Variants in SLC3A2 observed in about 807,000 individuals in gnomAD.
The protein encoded by SLC3A2 is solute carrier family 3 member 2.
SLC3A2 carries 32 observed loss-of-function variants against 48.5 expected under a neutral mutation model. The observed-to-expected ratio is 0.66, with a 90% CI of 0.50 to 0.89. The LOEUF (loss-of-function observed/expected upper bound fraction) is 0.89, where lower values mean the gene tolerates loss of function less well. SLC3A2 is among the 40% of genes least tolerant of loss of function. The pLI is 0.00. For missense variants in SLC3A2, 587 were observed against 680.7 expected (o/e 0.86, Z 1.53); for synonymous variants, 277 against 288.8 (o/e 0.96, Z 0.41).
upstream of SLC3A2, chr11:62,876,689 C>G (rs1301448962): frequency 6.2e-6 from 1 of 160,662 alleles, no homozygotes; most frequent in Non-Finnish European, 1.4e-5. Context: ...GCAATCCCTG[C>G]CTCATGGGTT....
At position 62,888,690 on chromosome 11, in the gene SLC3A2, C is replaced by T. The variant is rs1276679848; in HGVS notation, c.1587C>T (p.Ala529=). 6.3e-7 allele frequency: 1 copy of T among 1,588,476 alleles called. No homozygotes were observed. The highest frequency in any genetic ancestry group is 8.5e-7 in the Non-Finnish European group (1 of 1,171,734). Residue 529 remains alanine, a synonymous_variant, in exon 9 of 9, where the codon GCC becomes GCT. Transcript: ENST00000338663. The part of the protein sequence containing the change: ...EGLLLRFPYA[A] ...TGCTGCTCCGCTTCCCCTACGCGGC[C>T]TGACTTCAGCCTGACATGGACCCAC...
chr11:62,888,558 C>T lies in SLC3A2; in HGVS notation c.1455C>T (p.Ser485=), dbSNP rs760487618. Residue 485 remains serine, a synonymous_variant, in exon 9 of 9, where the codon AGC becomes AGT. Transcript: ENST00000338663. ...AGLQASDLPA[S]ASLPAKADLL... is the part of the protein sequence containing the mutation. ...TGCAGGCCTCCGACCTGCCTGCCAGCGCCAGCCTGCCAGCCAAGGCTGACC... is the reference window on the plus strand; with the variant it reads ...TGCAGGCCTCCGACCTGCCTGCCAGTGCCAGCCTGCCAGCCAAGGCTGACC... 10 of 1,613,920 alleles carry T rather than the reference C, an allele frequency of 6.2e-6. No homozygotes were observed. The highest frequency in any genetic ancestry group is 1.3e-5 in the African/African-American group (1 of 74,922).
chr11:62,868,539 G>T (rs1459976207), intron 1 of SLC3A2, among the ~76,000 whole-genome samples: 1 of 151,554 alleles, frequency 6.6e-6, no homozygotes, highest in African/African-American at 2.4e-5. Flanking sequence ...CTAATTTTTT[G>T]TATTTTTAGT....
At chr11:62,856,305 C>T (rs148497008) in exon 1 of SLC3A2, 2 of 1,613,480 alleles carry the variant, frequency 1.2e-6, no homozygotes, top group Admixed American at 1.7e-5. Flanking sequence ...CGATCGCCGT[C>T]GTGTCGATTC....
At chr11:62,868,923 C>T (rs1034562390) in intron 1 of SLC3A2, among the ~76,000 whole-genome samples, 14 of 150,966 alleles carry the variant, frequency 9.3e-5, no homozygotes, top group South Asian at 2.1e-4. Context: ...GTTTTTGAGA[C>T]GGTCTCATTC....
intron 1 of SLC3A2, among the ~76,000 whole-genome samples, chr11:62,857,413 C>G (rs1247451274): frequency 6.6e-6 from 1 of 152,166 alleles, no homozygotes; most frequent in African/African-American, 2.4e-5. Flanking sequence ...GGTGGGCCAC[C>G]ACACCCGGCC....
At chr11:62,856,499 T>C in intron 1 of SLC3A2, 1 of 827,494 alleles carries the variant, frequency 1.2e-6, no homozygotes, top group Non-Finnish European at 1.9e-6. Flanking sequence ...CCTAACTGGT[T>C]CCCTATGTCC....
At chr11:62,868,467 G>C (rs1010077097) in intron 1 of SLC3A2, among the ~76,000 whole-genome samples, 4 of 149,124 alleles carry the variant, frequency 2.7e-5, no homozygotes, top group African/African-American at 7.4e-5. Flanking sequence ...CTGGGTTCAC[G>C]CCATTCTCCT....
At chr11:62,857,097 A>G (rs1404891990) in intron 1 of SLC3A2, among the ~76,000 whole-genome samples, 9 of 151,954 alleles carry the variant, frequency 5.9e-5, no homozygotes, top group Admixed American at 1.3e-4. Context: ...TGCTGGGATT[A>G]CAGGCGTGAG....
At chr11:62,864,338 G>T (rs1023077653) in intron 1 of SLC3A2, among the ~76,000 whole-genome samples, 1 of 151,474 alleles carries the variant, frequency 6.6e-6, no homozygotes, top group African/African-American at 2.4e-5. Flanking sequence ...GAATGTGCTG[G>T]CTTGCAGTGG....
chr11:62,873,060 G>T (rs552408699), intron 1 of SLC3A2, among the ~76,000 whole-genome samples: 1 of 151,764 alleles, frequency 6.6e-6, no homozygotes, highest in Admixed American at 6.6e-5. Context: ...CTCGCTCTGT[G>T]GCCTTGGCTG....
At chr11:62,874,911 C>T (rs531083514) in intron 1 of SLC3A2, among the ~76,000 whole-genome samples, 3 of 152,058 alleles carry the variant, frequency 2.0e-5, no homozygotes, top group South Asian at 2.1e-4. Flanking sequence ...TACAGGCACC[C>T]GCCATCGTGT....
In SLC3A2 at chr11:62,869,626, T is replaced by A. The variant is rs138908980; in HGVS notation, c.113-11393T>A. ...TACTGGTTTTTAGTGATAATTTATATGTTTCATCTACTTTGTTAGCTATAT... is the reference window on the plus strand; with the variant it reads ...TACTGGTTTTTAGTGATAATTTATAAGTTTCATCTACTTTGTTAGCTATAT... On this transcript the variant is annotated intron_variant, in intron 1 of 9. Transcript: ENST00000377889. 2.9e-3 allele frequency among the ~76,000 whole-genome samples: 436 copies of A among 151,954 alleles called. 3 individuals carry two copies. The highest frequency in any genetic ancestry group is 0.01 in the African/African-American group (416 of 41,464).
At chr11:62,874,334 C>T (rs1054969007) in intron 1 of SLC3A2, among the ~76,000 whole-genome samples, 2 of 152,042 alleles carry the variant, frequency 1.3e-5, no homozygotes, top group African/African-American at 4.8e-5. Flanking sequence ...AAAAGTACTA[C>T]CCCATATTTT....
rs1377625847 is a variant in SLC3A2 at position 62,888,222 on chromosome 11, A to G, written c.1227+4A>G. Reference sequence around the variant, plus strand: ...AAGTGCCAACATGACTGTGAAGGTAAGAGTTCTAGATGGGTAGAAACTGAC... The same window carrying G: ...AAGTGCCAACATGACTGTGAAGGTAGGAGTTCTAGATGGGTAGAAACTGAC... On this transcript the variant is annotated splice_donor_region_variant and intron_variant, in intron 8 of 8. Transcript: ENST00000338663. 6.2e-7 allele frequency: 1 copy of G among 1,613,914 alleles called. No homozygotes were observed. The highest frequency in any genetic ancestry group is 1.3e-5 in the African/African-American group (1 of 74,926).
chr11:62,865,162 A>C (rs891278758), intron 1 of SLC3A2, among the ~76,000 whole-genome samples: 20 of 152,124 alleles, frequency 1.3e-4, no homozygotes, highest in Admixed American at 1.1e-3. Flanking sequence ...TGATATGTTG[A>C]CATTCTCCCT....
At chr11:62,869,291 G>T (rs2085485320) in intron 1 of SLC3A2, among the ~76,000 whole-genome samples, 1 of 151,816 alleles carries the variant, frequency 6.6e-6, no homozygotes, top group Admixed American at 6.6e-5. Context: ...TTGGGAGGCC[G>T]AGATGGGCGG....
intron 1 of SLC3A2, among the ~76,000 whole-genome samples, chr11:62,857,281 T>C (rs1414698385): frequency 6.6e-6 from 1 of 152,152 alleles, no homozygotes; most frequent in Non-Finnish European, 1.5e-5. Flanking sequence ...GCCATCATCA[T>C]GCCACACTAA....
chr11:62,858,327 C>T (rs2085360720), intron 1 of SLC3A2, among the ~76,000 whole-genome samples: 1 of 152,150 alleles, frequency 6.6e-6, no homozygotes, highest in Non-Finnish European at 1.5e-5. Flanking sequence ...TGATTGTTGC[C>T]TTGCGACAAT....
Sources: allele counts gnomAD v4.1 joint callset (sites outside exome capture counted in the v4.1 genomes callset), GRCh38; gene constraint gnomAD v4.1.1; transcripts MANE v1.5; gene names NCBI Gene and HGNC (gene_info 2026-07-23, HGNC 2026-07-21).